C1QTNF3: variants seen among roughly 807,000 people sequenced by gnomAD.
C1QTNF3 encodes C1q and TNF related 3.
In C1QTNF3, 26 loss-of-function variants were observed where a neutral mutation model predicts 32.6. The ratio of observed to expected loss-of-function variants is 0.80; its 90% CI spans 0.58 to 1.11. The LOEUF is 1.11. Ranked by LOEUF, C1QTNF3 falls within the 50% of genes least tolerant of loss-of-function variation. The pLI, the probability that C1QTNF3 is intolerant of heterozygous loss-of-function variation, is 0.00. For synonymous variants in C1QTNF3, 155 were observed against 146.0 expected (o/e 1.06, Z -0.44); for missense variants, 362 against 398.2 (o/e 0.91, Z 0.77).
the C1QTNF3 span, among the ~76,000 whole-genome samples, chr5:34,048,878 T>C: frequency 6.6e-6 from 1 of 152,168 alleles, no homozygotes; most frequent in Non-Finnish European, 1.5e-5. Context: ...TCTCTAGGAA[T>C]GCTCCTGCCA....
At chr5:34,184,574 C>T in the C1QTNF3 span, among the ~76,000 whole-genome samples, 866 of 148,924 alleles carry the variant, frequency 5.8e-3, no homozygotes, top group African/African-American at 0.022. Flanking sequence ...ATTAGCCCAG[C>T]GTGGTGGCGG....
At chr5:34,220,493 TAC>T in the C1QTNF3 span, among the ~76,000 whole-genome samples, 3,683 of 145,026 alleles carry the variant, frequency 0.025, 64 homozygotes, top group African/African-American at 0.053. Flanking sequence ...TCAGTTAGCA[TAC>T]ACACACACAC....
At chr5:34,178,094 T>G in the C1QTNF3 span, among the ~76,000 whole-genome samples, 7 of 114,658 alleles carry the variant, frequency 6.1e-5, no homozygotes, top group Non-Finnish European at 1.0e-4. Flanking sequence ...TGGTGAAACC[T>G]CATCTCTACT....
At chr5:34,024,122 T>C (rs1754405814) in intron 4 of C1QTNF3, 114 bp from the exon 5 acceptor site, 2 of 744,236 alleles carry the variant, frequency 2.7e-6, no homozygotes, top group Non-Finnish European at 4.5e-6. Context: ...ATATTCTTTG[T>C]AGTATGGTGT....
chr5:34,037,018 G>A (rs755831229), intron 1 of C1QTNF3, among the ~76,000 whole-genome samples: 50 of 152,084 alleles, frequency 3.3e-4, no homozygotes, highest in Non-Finnish European at 6.8e-4. Context: ...CACTTAATGG[G>A]TACTAAACAT....
chr5:34,068,417 A>T, the C1QTNF3 span, among the ~76,000 whole-genome samples: 2 of 151,942 alleles, frequency 1.3e-5, no homozygotes, highest in African/African-American at 2.4e-5. Context: ...CAACTGATAA[A>T]ATGGATTTAA....
At chr5:34,217,566 G>A in the C1QTNF3 span, among the ~76,000 whole-genome samples, 2 of 152,088 alleles carry the variant, frequency 1.3e-5, no homozygotes, top group East Asian at 1.9e-4. Flanking sequence ...CCTCCCTAAT[G>A]AGTCAACTGC....
At chr5:34,203,159 T>TA in the C1QTNF3 span, among the ~76,000 whole-genome samples, 1 of 152,000 alleles carries the variant, frequency 6.6e-6, no homozygotes, top group Non-Finnish European at 1.5e-5. Flanking sequence ...ATAGGTCTTG[T>TA]AAAACAGTCA....
the C1QTNF3 span, among the ~76,000 whole-genome samples, chr5:34,138,812 TAA>T: frequency 2.0e-5 from 3 of 152,184 alleles, no homozygotes; most frequent in Non-Finnish European, 4.4e-5. Flanking sequence ...TTCTTGTGTA[TAA>T]AGTCTTCTGC....
At chr5:34,028,694 C>T in intron 4 of C1QTNF3, 60 bp downstream of exon 4, 3 of 1,445,718 alleles carry the variant, frequency 2.1e-6, no homozygotes, top group Non-Finnish European at 2.8e-6. Flanking sequence ...TCCTTCCTTC[C>T]TTAATTGTCT....
chr5:34,215,488 G>A, the C1QTNF3 span, among the ~76,000 whole-genome samples: 1 of 152,160 alleles, frequency 6.6e-6, no homozygotes, highest in Non-Finnish European at 1.5e-5. Flanking sequence ...GGAACCGGTG[G>A]CTTCTTTAAC....
At chr5:34,101,202 C>A in the C1QTNF3 span, among the ~76,000 whole-genome samples, 1 of 151,396 alleles carries the variant, frequency 6.6e-6, no homozygotes, top group African/African-American at 2.4e-5. Context: ...CAACCCACCA[C>A]CCAGAATGCT....
chr5:34,078,427 G>A, the C1QTNF3 span, among the ~76,000 whole-genome samples: 1 of 151,900 alleles, frequency 6.6e-6, no homozygotes, highest in South Asian at 2.1e-4. The surrounding 1 kb of genome is among the most constrained non-coding windows in gnomAD (Gnocchi z 4.0). Context: ...AATCATGGCG[G>A]AAGGGGAAGC....
At chr5:34,102,196 CCT>C in the C1QTNF3 span, among the ~76,000 whole-genome samples, 2 of 152,018 alleles carry the variant, frequency 1.3e-5, no homozygotes, top group Non-Finnish European at 2.9e-5. Flanking sequence ...ACGAATATTA[CCT>C]TTTTAAATAC....
chr5:34,019,539 C>T lies in C1QTNF3; in HGVS notation c.*1044G>A, dbSNP rs926827471. 4.6e-5 allele frequency: 7 copies of T among 152,170 alleles called. No homozygotes were observed. Among genetic ancestry groups the T allele is most frequent in the Admixed American group, 2.0e-4 (3 of 15,264 alleles). The allele number at this position is 152,170 out of a possible 1,614,324, so 9.4% of individuals were successfully genotyped here. ...TTATAACAATGGAATAACTGAAAAG[C>T]GAAGTTTTCTGAAGTCATATGACCC... is the stretch of plus-strand genomic sequence containing the variant. On this transcript the variant is annotated 3_prime_UTR_variant, in exon 6 of 6. Transcript: ENST00000382065.
the C1QTNF3 span, among the ~76,000 whole-genome samples, chr5:34,237,597 C>T: frequency 6.6e-6 from 1 of 152,096 alleles, no homozygotes; most frequent in Admixed American, 6.6e-5. Context: ...TCAGGAAGCA[C>T]CACCCCCACT....
chr5:34,086,250 G>A, the C1QTNF3 span, among the ~76,000 whole-genome samples: 1 of 145,694 alleles, frequency 6.9e-6, no homozygotes, highest in Non-Finnish European at 1.5e-5. Flanking sequence ...GAGAACACAT[G>A]GGCACAGGGA....
At chr5:34,056,477 TATAGAGAGAGAGAGAGAGAGAG>T in the C1QTNF3 span, among the ~76,000 whole-genome samples, 11 of 87,260 alleles carry the variant, frequency 1.3e-4, no homozygotes, top group Middle Eastern at 5.7e-3. Context: ...TATATATATA[TATAGAGAGAGAGAGAGAGAGAG>T]AGAGAGAGAG....
chr5:34,060,037 A>G, the C1QTNF3 span, among the ~76,000 whole-genome samples: 1 of 152,202 alleles, frequency 6.6e-6, no homozygotes, highest in African/African-American at 2.4e-5. Context: ...TACTCATGCC[A>G]TTAAATTATA....
Sources: allele counts gnomAD v4.1 joint callset (sites outside exome capture counted in the v4.1 genomes callset), GRCh38; gene constraint gnomAD v4.1.1; non-coding constraint Gnocchi (gnomAD v3.1); transcripts MANE v1.5; gene names NCBI Gene and HGNC (gene_info 2026-07-23, HGNC 2026-07-21).